ST6GALNAC3: variants seen among roughly 807,000 people sequenced by gnomAD.
The protein encoded by ST6GALNAC3 is alpha-N-acetylgalactosaminide alpha-2,6-sialyltransferase 3.
Under a neutral mutation model 32.7 loss-of-function variants are expected in ST6GALNAC3, and 25 were observed. That is an observed-to-expected ratio of 0.76 (90% CI 0.56 to 1.07). ST6GALNAC3 has a LOEUF of 1.07. Ranked by LOEUF, ST6GALNAC3 falls within the 50% of genes least tolerant of loss-of-function variation. ST6GALNAC3 has a pLI of 0.00. For missense variants in ST6GALNAC3, 355 were observed against 382.4 expected (o/e 0.93, Z 0.60); for synonymous variants, 129 against 133.1 (o/e 0.97, Z 0.21).
intron 1 of ST6GALNAC3, among the ~76,000 whole-genome samples, chr1:76,114,437 A>G (rs905506943): frequency 6.6e-6 from 1 of 152,182 alleles, no homozygotes; most frequent in Non-Finnish European, 1.5e-5. Flanking sequence ...TGTACATGAC[A>G]CCTCAGCAAT....
At chr1:76,076,925 C>T (rs1265985785) in intron 1 of ST6GALNAC3, among the ~76,000 whole-genome samples, 2 of 152,206 alleles carry the variant, frequency 1.3e-5, no homozygotes, top group Non-Finnish European at 2.9e-5. Flanking sequence ...TACTTTACTG[C>T]TGTTCCAGTA....
intron 1 of ST6GALNAC3, among the ~76,000 whole-genome samples, chr1:76,203,071 A>G (rs912677180): frequency 2.6e-5 from 4 of 152,200 alleles, no homozygotes; most frequent in Non-Finnish European, 5.9e-5. Context: ...AAAAAATTAC[A>G]AAAGTCAATT....
At chr1:76,190,057 C>T (rs1157243665) in intron 1 of ST6GALNAC3, among the ~76,000 whole-genome samples, 1 of 151,758 alleles carries the variant, frequency 6.6e-6, no homozygotes, top group Non-Finnish European at 1.5e-5. Context: ...TAGAGTTTAA[C>T]CCCTCATTTT....
chr1:76,364,666 CA>C (rs1233945384), intron 2 of ST6GALNAC3, among the ~76,000 whole-genome samples: 1 of 151,620 alleles, frequency 6.6e-6, no homozygotes, highest in African/African-American at 2.4e-5. Context: ...AAAAAGCAGG[CA>C]AAAGACATGA....
At chr1:76,082,065 C>A (rs17660531) in intron 1 of ST6GALNAC3, among the ~76,000 whole-genome samples, 22,763 of 152,230 alleles carry the variant, frequency 0.15, 2,135 homozygotes, top group Middle Eastern at 0.33. Context: ...CTGAGGAAAA[C>A]AGGGAAGCCT....
rs12021536 is a variant in ST6GALNAC3 at position 76,526,593 on chromosome 1, C to T, written c.624-100859C>T. On this transcript the variant is annotated intron_variant, in intron 3 of 4. Coordinates refer to ENST00000328299, the MANE Select transcript of ST6GALNAC3 (RefSeq NM_152996.4). ...CATTAGCTTTATGTATTTCTTGAAG[C>T]ATCTGCTCATGATGGCAAACTGATC... 2.5e-3 allele frequency among the ~76,000 whole-genome samples: 383 copies of T among 152,182 alleles called. 8 individuals carry two copies. In the East Asian group the frequency reaches 0.059, roughly 23 times the overall value.
chr1:76,359,744 A>G (rs951334057), intron 2 of ST6GALNAC3, among the ~76,000 whole-genome samples: 1 of 152,220 alleles, frequency 6.6e-6, no homozygotes, highest in African/African-American at 2.4e-5. Flanking sequence ...ATATGGTGAG[A>G]CAATTTGAGG....
chr1:76,103,320 A>G (rs887394857), intron 1 of ST6GALNAC3, among the ~76,000 whole-genome samples: 1 of 151,730 alleles, frequency 6.6e-6, no homozygotes, highest in Non-Finnish European at 1.5e-5. Flanking sequence ...TTCCATTTCC[A>G]TGGGCTATAG....
intron 2 of ST6GALNAC3, among the ~76,000 whole-genome samples, chr1:76,357,139 T>TTTTTTC (rs1553184114): frequency 1.4e-5 from 2 of 141,756 alleles, no homozygotes; most frequent in South Asian, 2.4e-4. Flanking sequence ...TCTTTTTTTT[T>TTTTTTC]TTTTTTCATT....
At chr1:76,312,586 T>A (rs967671895) in intron 1 of ST6GALNAC3, among the ~76,000 whole-genome samples, 11 of 149,766 alleles carry the variant, frequency 7.3e-5, no homozygotes, top group South Asian at 4.2e-4. Flanking sequence ...AAAAAAAAAA[T>A]AAAAATAAAA....
chr1:76,328,924 T>A (rs1647133304), intron 2 of ST6GALNAC3, among the ~76,000 whole-genome samples: 1 of 152,156 alleles, frequency 6.6e-6, no homozygotes, highest in Non-Finnish European at 1.5e-5. Context: ...GCCCTCATCA[T>A]CTCCAGAATT....
At chr1:76,218,495 T>C (rs1204898526) in intron 1 of ST6GALNAC3, among the ~76,000 whole-genome samples, 1 of 152,240 alleles carries the variant, frequency 6.6e-6, no homozygotes, top group African/African-American at 2.4e-5. Context: ...CTATATCTAC[T>C]GTAAAATACC....
At chr1:76,609,948 G>A (rs902628932) in intron 3 of ST6GALNAC3, among the ~76,000 whole-genome samples, 6 of 152,190 alleles carry the variant, frequency 3.9e-5, no homozygotes, top group African/African-American at 1.2e-4. Flanking sequence ...AGTGCTAAGA[G>A]TGCTAAGTTG....
chr1:76,348,159 A>G (rs1289953327), intron 2 of ST6GALNAC3, among the ~76,000 whole-genome samples: 1 of 152,178 alleles, frequency 6.6e-6, no homozygotes, highest in Non-Finnish European at 1.5e-5. Flanking sequence ...TACACAGAAT[A>G]CAACTGAAAA....
At chr1:76,479,024 A>G (rs1274769142) in intron 3 of ST6GALNAC3, among the ~76,000 whole-genome samples, 2 of 152,052 alleles carry the variant, frequency 1.3e-5, no homozygotes, top group African/African-American at 4.8e-5. Context: ...TGGCCTCCCA[A>G]AGTGCTGGGA....
intron 1 of ST6GALNAC3, among the ~76,000 whole-genome samples, chr1:76,125,775 G>A (rs1041362782): frequency 6.6e-6 from 1 of 152,130 alleles, no homozygotes; most frequent in Non-Finnish European, 1.5e-5. Context: ...TGGTTTCCCT[G>A]CCTTTTCTTT....
chr1:76,178,060 T>C (rs926552342), intron 1 of ST6GALNAC3, among the ~76,000 whole-genome samples: 8 of 152,242 alleles, frequency 5.3e-5, no homozygotes, highest in Non-Finnish European at 8.8e-5. Flanking sequence ...CTTTGAATTG[T>C]CATAATTATT....
At chr1:76,098,055 G>T (rs1647164818) in intron 1 of ST6GALNAC3, among the ~76,000 whole-genome samples, 1 of 152,076 alleles carries the variant, frequency 6.6e-6, no homozygotes, top group South Asian at 2.1e-4. Flanking sequence ...GTTCAAAGGA[G>T]AATGGAAAGG....
chr1:76,494,464 TATATAC>T (rs1396567719), intron 3 of ST6GALNAC3, among the ~76,000 whole-genome samples: 13 of 73,258 alleles, frequency 1.8e-4, no homozygotes, highest in African/African-American at 6.3e-4. Context: ...TATATATATA[TATATAC>T]ACACACACAC....
Sources: gnomAD v4.1 joint callset for allele counts (sites outside exome capture counted in the v4.1 genomes callset) on GRCh38, gnomAD v4.1.1 for gene constraint, MANE v1.5 for transcripts, NCBI Gene and HGNC (gene_info 2026-07-23, HGNC 2026-07-21) for gene names.